Variants in TBL1X observed in about 807,000 individuals in gnomAD.
TBL1X encodes the protein F-box-like/WD repeat-containing protein TBL1X.
A neutral mutation model predicts 50.7 loss-of-function variants in TBL1X; 10 were observed. The ratio of observed to expected loss-of-function variants is 0.20; its 90% CI spans 0.12 to 0.33. TBL1X has a LOEUF of 0.33. TBL1X is among the 10% of genes least tolerant of loss of function. The pLI is 1.00. For missense variants in TBL1X, 340 were observed against 504.4 expected, an observed-to-expected ratio of 0.67 and a Z score of 3.12; for synonymous variants, 190 against 214.7, an observed-to-expected ratio of 0.88 and a Z score of 1.01.
rs189093977 is a variant in TBL1X, at chrX:9,686,662, C to T, written c.358-1355C>T. 1.7e-4 allele frequency among the ~76,000 whole-genome samples: 19 copies of T among 112,905 alleles called. 1 individual carries two copies. The highest frequency in any genetic ancestry group is 7.4e-4 in the Admixed American group (8 of 10,747). On this transcript the variant is annotated intron_variant, in intron 6 of 17. Coordinates refer to ENST00000645353, the MANE Select transcript of TBL1X (RefSeq NM_005647.4). ...GCAGTGAGCCATGACTGTGCCCCTG[C>T]ACTCCAGCCTGGATGACAGAGCGAG...
At chrX:9,710,234 A>C (rs921678533) in intron 15 of TBL1X, among the ~76,000 whole-genome samples, 22 of 88,478 alleles carry the variant, frequency 2.5e-4, no homozygotes, top group South Asian at 4.7e-4. Flanking sequence ...AAAAAAAAAA[A>C]AACAGAAGAA....
At chrX:9,700,957 C>T (rs146781746) in intron 12 of TBL1X, among the ~76,000 whole-genome samples, 339 of 111,185 alleles carry the variant, frequency 3.0e-3, no homozygotes, top group Middle Eastern at 0.014. Flanking sequence ...TGCTAAAATG[C>T]TAGAAACCTG....
chrX:9,673,569 G>A (rs942648231), intron 5 of TBL1X, among the ~76,000 whole-genome samples: 1 of 111,832 alleles, frequency 8.9e-6, no homozygotes, highest in Non-Finnish European at 1.9e-5. Context: ...TCTGGCTTTG[G>A]AATCTTTCTC....
At chrX:9,583,182 C>A (rs2082451165) in intron 2 of TBL1X, among the ~76,000 whole-genome samples, 1 of 112,388 alleles carries the variant, frequency 8.9e-6, no homozygotes, top group African/African-American at 3.2e-5. Flanking sequence ...AGGGAGAGCC[C>A]CTTCTGTGTC....
At chrX:9,479,998 T>C (rs1354028899) in intron 1 of TBL1X, among the ~76,000 whole-genome samples, 8 of 101,739 alleles carry the variant, frequency 7.9e-5, no homozygotes, top group African/African-American at 3.1e-4. Context: ...TTGCCCAGGC[T>C]GGAGTGCAAT....
At chrX:9,683,570 A>G (rs907100971) in intron 5 of TBL1X, among the ~76,000 whole-genome samples, 2 of 111,617 alleles carry the variant, frequency 1.8e-5, no homozygotes, top group Non-Finnish European at 3.8e-5. Context: ...ACTCAGGGTC[A>G]GCGTTTGCTG....
chrX:9,488,228 C>G (rs2081923597), intron 1 of TBL1X, among the ~76,000 whole-genome samples: 2 of 112,301 alleles, frequency 1.8e-5, no homozygotes, highest in South Asian at 7.3e-4. Context: ...CTGGCTTAAA[C>G]AAAAACTATT....
chrX:9,624,359 TATC>T (rs1417272782), intron 2 of TBL1X, among the ~76,000 whole-genome samples: 1 of 112,340 alleles, frequency 8.9e-6, no homozygotes, highest in African/African-American at 3.2e-5. Context: ...ATCTTCAACA[TATC>T]ATTTAAGGGC....
At chrX:9,696,930 T>A (rs907948537) in intron 11 of TBL1X, among the ~76,000 whole-genome samples, 4 of 112,290 alleles carry the variant, frequency 3.6e-5, no homozygotes, top group African/African-American at 1.3e-4. Context: ...CGCCAAGGTC[T>A]GATTGCAGAA....
intron 5 of TBL1X, among the ~76,000 whole-genome samples, chrX:9,668,313 C>CT (rs1424280604): frequency 1.8e-5 from 2 of 108,514 alleles, no homozygotes; most frequent in Non-Finnish European, 3.8e-5. Context: ...CTATAGGACT[C>CT]TGACAGGTAC....
intron 7 of TBL1X, among the ~76,000 whole-genome samples, chrX:9,690,548 A>G (rs1299969679): frequency 1.8e-5 from 2 of 111,752 alleles, no homozygotes; most frequent in African/African-American, 6.5e-5. Flanking sequence ...CAAAAGCCCT[A>G]TCTCCAAATA....
chrX:9,581,868 C>T (rs1329259130), intron 2 of TBL1X, among the ~76,000 whole-genome samples: 1 of 111,852 alleles, frequency 8.9e-6, no homozygotes, highest in African/African-American at 3.3e-5. Context: ...CTGCCCAGCC[C>T]AGCTGAGTCC....
intron 17 of TBL1X, among the ~76,000 whole-genome samples, chrX:9,715,855 G>T (rs1051962946): frequency 8.9e-6 from 1 of 112,031 alleles, no homozygotes; most frequent in Admixed American, 9.4e-5. Context: ...CTGGCTGAAC[G>T]GCCAAGGGTC....
intron 12 of TBL1X, 52 bp from the exon 13 acceptor site, chrX:9,704,941 A>G: frequency 8.3e-7 from 1 of 1,207,262 alleles, no homozygotes; most frequent in African/African-American, 1.7e-5. Flanking sequence ...TTGTAAATCC[A>G]TGGAGCTGTG....
chrX:9,692,036 G>A (rs1308117954), intron 8 of TBL1X, 77 bp from the exon 9 acceptor site: 2 of 1,197,076 alleles, frequency 1.7e-6, no homozygotes, highest in Non-Finnish European at 2.3e-6. Context: ...ATGCCCTCTG[G>A]CCAGAGAGCA....
chrX:9,543,738 C>T (rs1265941491), intron 2 of TBL1X, among the ~76,000 whole-genome samples: 1 of 111,844 alleles, frequency 8.9e-6, no homozygotes, highest in South Asian at 3.7e-4. Context: ...TGCCAAGTAT[C>T]GGGACAGGTG....
intron 1 of TBL1X, among the ~76,000 whole-genome samples, chrX:9,496,174 C>G (rs2081970331): frequency 8.9e-6 from 1 of 112,002 alleles, no homozygotes; most frequent in Admixed American, 9.4e-5. Flanking sequence ...GAGGAGGAGT[C>G]AGGGTACAAG....
chrX:9,545,532 A>T (rs749735253), intron 2 of TBL1X, among the ~76,000 whole-genome samples: 1 of 108,340 alleles, frequency 9.2e-6, no homozygotes, highest in African/African-American at 3.4e-5. Flanking sequence ...GTGACAAAGC[A>T]AAACTCCATC....
intron 2 of TBL1X, among the ~76,000 whole-genome samples, chrX:9,561,986 C>T (rs1377208169): frequency 8.9e-6 from 1 of 112,089 alleles, no homozygotes; most frequent in Non-Finnish European, 1.9e-5. Context: ...ATCATAACTA[C>T]AGTGAATAAA....
Sources: gnomAD v4.1 joint callset for allele counts (sites outside exome capture counted in the v4.1 genomes callset) on GRCh38, gnomAD v4.1.1 for gene constraint, MANE v1.5 for transcripts, NCBI Gene and HGNC (gene_info 2026-07-23, HGNC 2026-07-21) for gene names.